NEO1: variants seen among roughly 807,000 people sequenced by gnomAD.
NEO1 encodes neogenin 1.
Under a neutral mutation model 159.7 loss-of-function variants are expected in NEO1, and 63 were observed. The ratio of observed to expected loss-of-function variants is 0.39; its 90% CI spans 0.32 to 0.49. The LOEUF (loss-of-function observed/expected upper bound fraction) is 0.49. Ranked by LOEUF, NEO1 falls within the 20% of genes least tolerant of loss-of-function variation. NEO1 has a pLI of 0.85. For synonymous variants in NEO1, 633 were observed against 662.0 expected (o/e 0.96, Z 0.67); for missense variants, 1,615 against 1,831.0 (o/e 0.88, Z 2.15).
intron 16 of NEO1, among the ~76,000 whole-genome samples, chr15:73,268,397 T>C (rs937425838): frequency 3.9e-5 from 6 of 152,196 alleles, no homozygotes; most frequent in Non-Finnish European, 8.8e-5. Context: ...TTCTAAGGGT[T>C]GCTACATATA....
intron 5 of NEO1, among the ~76,000 whole-genome samples, chr15:73,169,195 T>G (rs149222895): frequency 6.6e-6 from 1 of 152,284 alleles, no homozygotes; most frequent in Admixed American, 6.5e-5. Flanking sequence ...TAAGTGATGT[T>G]TCTAGTAAAA....
chr15:73,063,626 T>A (rs1231804928), intron 1 of NEO1, among the ~76,000 whole-genome samples: 3 of 33,106 alleles, frequency 9.1e-5, no homozygotes, highest in Non-Finnish European at 2.4e-4. Context: ...CGCAGCCTTT[T>A]TTGTTTGTTT....
In NEO1 at chr15:73,295,145, T is replaced by TATATATATAA. The variant is rs1306550657; in HGVS notation, c.3901+1598_3901+1599insTATATATAAA. 3.3e-4 allele frequency among the ~76,000 whole-genome samples: 45 copies of TATATATATAA among 134,880 alleles called. 1 individual carries two copies. Among genetic ancestry groups the TATATATATAA allele is most frequent in the Non-Finnish European group, 6.7e-4 (41 of 61,342 alleles). The allele number at this position is 134,880 out of a possible 152,430, so 88.5% of individuals were successfully genotyped here. A position where few individuals can be genotyped will look rare whatever the true frequency, so the allele number is the denominator to read the frequency against. On this transcript the variant is annotated intron_variant, in intron 26 of 28. Coordinates refer to ENST00000261908, the MANE Select transcript of NEO1 (RefSeq NM_002499.4). ...TATTAAATATATATATATATATATGTAAAAATTTGGCCTTTCTACTATCTC... is the reference window on the plus strand; with the variant it reads ...TATTAAATATATATATATATATATGTATATATATAAAAAAATTTGGCCTTTCTACTATCTC...
intron 12 of NEO1, 100 bp from the exon 13 acceptor site, chr15:73,254,582 G>GA (rs1216584689): frequency 7.8e-7 from 1 of 1,288,176 alleles, no homozygotes; most frequent in Non-Finnish European, 1.1e-6. Context: ...CTGCCTCTAT[G>GA]TTTTTTCTCT....
chr15:73,122,627 G>A lies in NEO1; in HGVS notation c.551G>A (p.Arg184Lys). 6.2e-7 allele frequency: 1 copy of A among 1,614,142 alleles called. No homozygotes were observed. The highest frequency in any genetic ancestry group is 8.5e-7 in the Non-Finnish European group (1 of 1,180,026). Reference sequence around the variant, plus strand: ...AATGCAGATTTGGTCCCATTTGTGAGGTGGGAACAGAACAGACAACCCCTT... The same window carrying A: ...AATGCAGATTTGGTCCCATTTGTGAAGTGGGAACAGAACAGACAACCCCTT... ...EVNADLVPFV[R>K]WEQNRQPLLL... Residue 184 changes from arginine (R) to lysine (K), a missense_variant, in exon 3 of 29, where the codon AGG (arginine) becomes AAG (lysine). This residue lies in a region of NEO1 where 1,018 missense variants were observed against 1,115.4 expected (regional missense o/e 0.91). Coordinates refer to ENST00000261908, the MANE Select transcript of NEO1 (RefSeq NM_002499.4).
rs1273477293 is a variant in NEO1, at chr15:73,283,130, AC to A, written c.3410+23del. 1 of 1,613,274 alleles carries A rather than the reference AC, an allele frequency of 6.2e-7. No homozygotes were observed. The highest frequency in any genetic ancestry group is 8.5e-7 in the Non-Finnish European group (1 of 1,179,810). On this transcript the variant is annotated intron_variant, in intron 23 of 28. Coordinates refer to ENST00000261908, the MANE Select transcript of NEO1 (RefSeq NM_002499.4). ...AGAAAAAGTAAGAAGCCCCAGATGC[AC>A]CCCTTAGATTTTTGGCATCTTATCT...
intron 6 of NEO1, 41 bp downstream of exon 6, chr15:73,176,598 TTAGA>T (rs1223989811): frequency 5.3e-6 from 8 of 1,495,730 alleles, no homozygotes; most frequent in Non-Finnish European, 7.3e-6. Context: ...TCTGTAACCT[TTAGA>T]TATTTTTAAA....
chr15:73,272,734 C>T (rs1038483419), intron 19 of NEO1, among the ~76,000 whole-genome samples, 172 bp downstream of exon 19: 4 of 151,998 alleles, frequency 2.6e-5, no homozygotes, highest in Non-Finnish European at 4.4e-5. Flanking sequence ...CTGTGCTGGT[C>T]GCCCATAGCG....
intron 7 of NEO1, among the ~76,000 whole-genome samples, chr15:73,223,979 C>T (rs1054253476): frequency 6.6e-6 from 1 of 152,090 alleles, no homozygotes; most frequent in Non-Finnish European, 1.5e-5. Flanking sequence ...TTAGCGGTCT[C>T]GTAGAGGTGG....
At chr15:73,298,704 A>G in intron 27 of NEO1, 93 bp downstream of exon 27, 1 of 1,503,068 alleles carries the variant, frequency 6.7e-7, no homozygotes. Flanking sequence ...TTTGAAGTAT[A>G]GCAAAGCAAA....
chr15:73,138,704 C>T (rs2032045493), intron 5 of NEO1, among the ~76,000 whole-genome samples: 1 of 149,912 alleles, frequency 6.7e-6, no homozygotes, highest in Non-Finnish European at 1.5e-5. Flanking sequence ...TGCAGTGAGC[C>T]GAGATCCCGC....
rs989112550 is a variant in NEO1, at chr15:73,244,264, A to T, written c.1452-80A>T. 1.4e-5 allele frequency: 20 copies of T among 1,458,044 alleles called. No homozygotes were observed. In the African/African-American group the frequency reaches 2.4e-4, roughly 17 times the overall value. 90.3% of individuals were successfully genotyped at this position (1,458,044 alleles called of 1,614,324 possible). ...ATTTGACTTACACTGATAGATTTTT[A>T]TGTGGAGTGGAAAATGAAACTGTAC... On this transcript the variant is annotated intron_variant, in intron 8 of 28. Coordinates refer to ENST00000261908, the MANE Select transcript of NEO1 (RefSeq NM_002499.4).
chr15:73,243,936 G>A (rs1946519211), intron 8 of NEO1, among the ~76,000 whole-genome samples: 1 of 152,078 alleles, frequency 6.6e-6, no homozygotes, highest in Admixed American at 6.6e-5. Context: ...AATATACACA[G>A]CATTCTTTGA....
intron 3 of NEO1, among the ~76,000 whole-genome samples, chr15:73,125,638 C>A (rs2030098643): frequency 1.3e-5 from 2 of 152,136 alleles, no homozygotes; most frequent in Admixed American, 6.5e-5. Flanking sequence ...TTAATATTAC[C>A]TTATTGAGGA....
Position 73,289,128 on chromosome 15 carries a change from T to C in NEO1, c.3650-18T>C, listed in dbSNP as rs752032232. ...ATAGGGCACATGCTGGTAACTAACC[T>C]CCACGTTTAACATCTAGGGCATGAG... is the stretch of plus-strand genomic sequence containing the variant. On this transcript the variant is annotated intron_variant, in intron 24 of 28. Coordinates refer to ENST00000261908, the MANE Select transcript of NEO1 (RefSeq NM_002499.4). 2.5e-6 allele frequency: 4 copies of C among 1,611,200 alleles called. No homozygotes were observed. In the African/African-American group the frequency reaches 5.3e-5, roughly 22 times the overall value.
chr15:73,079,261 G>C (rs568767606), intron 1 of NEO1, among the ~76,000 whole-genome samples: 1 of 152,250 alleles, frequency 6.6e-6, no homozygotes, highest in African/African-American at 2.4e-5. Flanking sequence ...CAAAATTGTG[G>C]CCCTAGGAAT....
chr15:73,058,218 A>C (rs1366553448), intron 1 of NEO1, among the ~76,000 whole-genome samples: 1 of 152,090 alleles, frequency 6.6e-6, no homozygotes, highest in Non-Finnish European at 1.5e-5. Flanking sequence ...GTTACAGAAC[A>C]CTCCCTGACT....
chr15:73,158,092 G>A (rs1234151084), intron 5 of NEO1, among the ~76,000 whole-genome samples: 1 of 151,586 alleles, frequency 6.6e-6, no homozygotes, highest in Non-Finnish European at 1.5e-5. Flanking sequence ...GTGCATGCCT[G>A]TAGTTCCAGC....
intron 7 of NEO1, among the ~76,000 whole-genome samples, chr15:73,188,171 A>G (rs1056715700): frequency 2.0e-5 from 3 of 152,166 alleles, no homozygotes; most frequent in African/African-American, 7.2e-5. Flanking sequence ...TGGCTTTTCT[A>G]AATTTTACCA....
Sources: allele counts gnomAD v4.1 joint callset (sites outside exome capture counted in the v4.1 genomes callset), GRCh38; gene constraint gnomAD v4.1.1; regional missense constraint gnomAD v4.1.1; transcripts MANE v1.5; gene names NCBI Gene and HGNC (gene_info 2026-07-23, HGNC 2026-07-21).